MKRN2: variants seen among roughly 807,000 people sequenced by gnomAD.
MKRN2 encodes the protein makorin ring finger protein 2, also known as E3 ubiquitin-protein ligase makorin-2.
Under a neutral mutation model 45.4 loss-of-function variants are expected in MKRN2, and 32 were observed. That is an observed-to-expected ratio of 0.70 (90% confidence interval 0.53 to 0.95). The LOEUF is 0.95. Among genes scored for constraint, MKRN2 ranks in the 40% least tolerant of loss-of-function variants. The pLI is 0.00. For synonymous variants in MKRN2, 206 were observed against 192.4 expected (o/e 1.07, Z -0.59); for missense variants, 526 against 536.7 (o/e 0.98, Z 0.20).
chr3:12,568,864 T>C lies in MKRN2; in HGVS notation c.27-11T>C. 1 of 1,610,364 alleles carries C rather than the reference T, an allele frequency of 6.2e-7. No homozygotes were observed. Among genetic ancestry groups the C allele is most frequent in the South Asian group, 1.1e-5 (1 of 90,074 alleles). On this transcript the variant is annotated splice_polypyrimidine_tract_variant and intron_variant, in intron 1 of 7. Coordinates refer to ENST00000170447, the MANE Select transcript of MKRN2 (RefSeq NM_014160.5). ...CTTCTAAAAGTTGTATGCCTGTGCTTGTCTCTGCAGGTATTTTATGCATGG... is the reference window on the plus strand; with the variant it reads ...CTTCTAAAAGTTGTATGCCTGTGCTCGTCTCTGCAGGTATTTTATGCATGG...
chr3:12,568,770 A>C lies in MKRN2; in HGVS notation c.27-105A>C, dbSNP rs1364310201. On this transcript the variant is annotated intron_variant, in intron 1 of 7. Transcript: ENST00000170447. Reference sequence around the variant, plus strand: ...CCAGTGCCTAATAGAGCCTTTATACATAATATATGCCTGGTAAATGTTTGT... The same window carrying C: ...CCAGTGCCTAATAGAGCCTTTATACCTAATATATGCCTGGTAAATGTTTGT... The C allele has an allele frequency of 2.7e-6, 4 of 1,455,212 alleles. No homozygotes were observed. The East Asian group carries it at 9.2e-5, about 33-fold the overall frequency. The allele number at this position is 1,455,212 out of a possible 1,614,324, so 90.1% of individuals were successfully genotyped here. A position where few individuals can be genotyped will look rare whatever the true frequency, so the allele number is the denominator to read the frequency against.
At chr3:12,574,663 G>C (rs1330566803) in intron 4 of MKRN2, 129 bp from the exon 5 acceptor site, 1 of 860,476 alleles carries the variant, frequency 1.2e-6, no homozygotes, top group Non-Finnish European at 1.9e-6. Context: ...CTGGGCCTTT[G>C]CTCACAGCAG....
At chr3:12,564,315 T>A (rs572654956) in intron 1 of MKRN2, among the ~76,000 whole-genome samples, 69 of 152,338 alleles carry the variant, frequency 4.5e-4, no homozygotes, top group Non-Finnish European at 8.8e-4. Flanking sequence ...TTTAATTTTT[T>A]AAGGAACTTC....
rs796231812 is a variant in MKRN2 at position 12,567,662 on chromosome 3, A to AT, written c.27-1205dup. On this transcript the variant is annotated intron_variant, in intron 1 of 7. Coordinates refer to ENST00000170447, the MANE Select transcript of MKRN2 (RefSeq NM_014160.5). The stretch of plus-strand genomic sequence containing the variant: ...CACCTCCACTCCTGACTAATTTTGT[A>AT]TTTTTTTTAGTAGAGACGGGGTTTC... Among the ~76,000 whole-genome samples the AT allele has an allele frequency of 7.5e-4, 113 of 150,782 alleles. 1 individual carries two copies. Among genetic ancestry groups the AT allele is most frequent in the African/African-American group, 1.9e-3 (77 of 41,114 alleles).
At chr3:12,579,443 A>G (rs2058164075) in intron 6 of MKRN2, among the ~76,000 whole-genome samples, 1 of 152,174 alleles carries the variant, frequency 6.6e-6, no homozygotes, top group African/African-American at 2.4e-5. Flanking sequence ...CTAGGATTAT[A>G]GGTGTGAGCC....
At chr3:12,569,539 C>T (rs761782938) in intron 2 of MKRN2, among the ~76,000 whole-genome samples, 1 of 152,156 alleles carries the variant, frequency 6.6e-6, no homozygotes, top group Non-Finnish European at 1.5e-5. Flanking sequence ...ATTCCGGAAA[C>T]TTGTTCATGC....
chr3:12,579,824 G>A (rs534462731), intron 6 of MKRN2, among the ~76,000 whole-genome samples: 1 of 152,326 alleles, frequency 6.6e-6, no homozygotes, highest in East Asian at 1.9e-4. Context: ...GTTGGGGCCA[G>A]GCGCAGTGGC....
At chr3:12,573,720 C>G (rs1291776471) in intron 4 of MKRN2, among the ~76,000 whole-genome samples, 1 of 151,752 alleles carries the variant, frequency 6.6e-6, no homozygotes, top group Non-Finnish European at 1.5e-5. Context: ...GGTGAAACCC[C>G]GTCTCTACTA....
chr3:12,561,083 T>C (rs1668838513), intron 1 of MKRN2: 2 of 152,226 alleles, frequency 1.3e-5, no homozygotes, highest in Non-Finnish European at 2.9e-5. Flanking sequence ...ACTTCACCTC[T>C]TACATAACTC....
intron 3 of MKRN2, 119 bp from the exon 4 acceptor site, chr3:12,571,950 T>C: frequency 1.0e-6 from 1 of 962,754 alleles, no homozygotes; most frequent in Middle Eastern, 3.6e-4. Flanking sequence ...TTTTTTGCCA[T>C]ATGTTCTCAA....
In MKRN2 at chr3:12,578,303, G is replaced by A. The variant is rs879646241; in HGVS notation, c.968+1562G>A. Among the ~76,000 whole-genome samples the A allele has an allele frequency of 2.1e-4, 30 of 143,042 alleles. No individual in the cohort carries two copies. The East Asian group carries it at 5.6e-3, about 27-fold the overall frequency. 93.8% of individuals were successfully genotyped at this position (143,042 alleles called of 152,430 possible). ...ATGATTTTGGCCTGCTCCAGGATAA[G>A]AGCTACTTCTTTTTTTTTTTTTTTT... On this transcript the variant is annotated intron_variant, in intron 6 of 7. Transcript: ENST00000170447.
intron 1 of MKRN2, among the ~76,000 whole-genome samples, chr3:12,563,610 T>G (rs796911901): frequency 3.4e-5 from 5 of 148,270 alleles, no homozygotes; most frequent in African/African-American, 7.4e-5. Flanking sequence ...ATGCCTCAGC[T>G]TCCCGAGTAG....
At chr3:12,565,905 T>C (rs1156653534) in intron 1 of MKRN2, among the ~76,000 whole-genome samples, 1 of 152,116 alleles carries the variant, frequency 6.6e-6, no homozygotes, top group Non-Finnish European at 1.5e-5. Context: ...AGGGTCTTGC[T>C]TTGTCACCCA....
At chr3:12,574,225 A>G (rs1033613463) in intron 4 of MKRN2, among the ~76,000 whole-genome samples, 1 of 152,234 alleles carries the variant, frequency 6.6e-6, no homozygotes, top group Admixed American at 6.5e-5. Context: ...AGATCTGGAC[A>G]GACTGAGCTT....
At chr3:12,576,067 A>C (rs1246319987) in intron 5 of MKRN2, among the ~76,000 whole-genome samples, 3 of 151,986 alleles carry the variant, frequency 2.0e-5, no homozygotes, top group Non-Finnish European at 4.4e-5. Context: ...TGGTATAATA[A>C]CTCTACATTA....
Position 12,574,780 on chromosome 3 carries a change from T to A in MKRN2, c.643-12T>A, listed in dbSNP as rs200397576. The A allele has an allele frequency of 6.2e-7, 1 of 1,609,644 alleles. No individual in the cohort carries two copies. Among genetic ancestry groups the A allele is most frequent in the East Asian group, 2.2e-5 (1 of 44,796 alleles). The stretch of plus-strand genomic sequence containing the variant: ...CCCACAACCAAAGCCTTCCTTCCTG[T>A]CTGTGCTTCAGATCTGCATGTTGAC... On this transcript the variant is annotated splice_polypyrimidine_tract_variant and intron_variant, in intron 4 of 7. Coordinates refer to ENST00000170447, the MANE Select transcript of MKRN2 (RefSeq NM_014160.5).
intron 2 of MKRN2, 87 bp downstream of exon 2, chr3:12,569,090 T>C (rs1553608130): frequency 6.9e-7 from 1 of 1,442,904 alleles, no homozygotes; most frequent in Non-Finnish European, 9.3e-7. Context: ...AATGTAAAAG[T>C]AATATGGCAA....
chr3:12,567,976 T>C (rs1444333954), intron 1 of MKRN2, among the ~76,000 whole-genome samples: 1 of 152,252 alleles, frequency 6.6e-6, no homozygotes, highest in Non-Finnish European at 1.5e-5. Context: ...ACATCTGATA[T>C]TCTGAAACAT....
At position 12,572,180 on chromosome 3, in the gene MKRN2, C is replaced by T. The variant is rs773667504; in HGVS notation, c.449C>T (p.Ala150Val). ...PEMKPHSYLDAIRSGLDDVEA... is the reference protein window; with the variant it reads ...PEMKPHSYLDVIRSGLDDVEA... The stretch of plus-strand genomic sequence containing the variant: ...ATGAAGCCGCATTCCTACCTGGATG[C>T]CATCAGGAGTGGCCTTGATGACGTG... The change falls in exon 4 of 8, where the codon GCC becomes GTC. Residue 150 changes from alanine to valine, a missense_variant. Coordinates refer to ENST00000170447, the MANE Select transcript of MKRN2 (RefSeq NM_014160.5). 2 of 1,614,088 alleles carry T rather than the reference C, an allele frequency of 1.2e-6. No homozygotes were observed. Among genetic ancestry groups the T allele is most frequent in the East Asian group, 2.2e-5 (1 of 44,870 alleles).
Sources: gnomAD v4.1 joint callset for allele counts (sites outside exome capture counted in the v4.1 genomes callset) on GRCh38, gnomAD v4.1.1 for gene constraint, MANE v1.5 for transcripts, NCBI Gene and HGNC (gene_info 2026-07-23, HGNC 2026-07-21) for gene names.